Variants in SGPP2 observed in about 807,000 individuals in gnomAD.
The protein encoded by SGPP2 is sphingosine 1-phosphate phosphohydrolase 2.
SGPP2 carries 30 observed loss-of-function variants against 33.9 expected under a neutral mutation model. That is an observed-to-expected ratio of 0.89 (90% confidence interval 0.66 to 1.20). The LOEUF is 1.20. Ranked by LOEUF, SGPP2 falls within the 50% of genes most tolerant of loss-of-function variation. SGPP2 has a pLI of 0.00. For missense variants in SGPP2, 458 were observed against 532.1 expected (o/e 0.86, Z 1.37); for synonymous variants, 233 against 225.0 (o/e 1.04, Z -0.32).
At position 222,560,779 on chromosome 2, in the gene SGPP2, T is replaced by A. The variant is rs1265577822; in HGVS notation, c.*1881T>A. 6.6e-6 allele frequency: 1 copy of A among 152,216 alleles called. No homozygotes were observed. Among genetic ancestry groups the A allele is most frequent in the Non-Finnish European group, 1.5e-5 (1 of 68,040 alleles). The allele number at this position is 152,216 out of a possible 1,614,324, so 9.4% of individuals were successfully genotyped here. Reference sequence around the variant, plus strand: ...ATGTTCTACGGCCTTACTGTTGGGATGATATTTAGTATGTAACTTAGCATT... The same window carrying A: ...ATGTTCTACGGCCTTACTGTTGGGAAGATATTTAGTATGTAACTTAGCATT... On this transcript the variant is annotated 3_prime_UTR_variant, in exon 5 of 5. Transcript: ENST00000321276.
At chr2:222,534,431 G>A (rs1449714388) in intron 4 of SGPP2, among the ~76,000 whole-genome samples, 1 of 150,572 alleles carries the variant, frequency 6.6e-6, no homozygotes, top group African/African-American at 2.5e-5. Flanking sequence ...CACAGATACT[G>A]TTTTATTTGC....
chr2:222,459,877 C>T (rs1697633199), intron 1 of SGPP2, among the ~76,000 whole-genome samples: 1 of 152,214 alleles, frequency 6.6e-6, no homozygotes, highest in African/African-American at 2.4e-5. Flanking sequence ...AACTATGTTC[C>T]TCTGACCATC....
intron 1 of SGPP2, among the ~76,000 whole-genome samples, chr2:222,434,358 G>T (rs1309924208): frequency 6.6e-6 from 1 of 152,172 alleles, no homozygotes; most frequent in South Asian, 2.1e-4. Flanking sequence ...GCACGTAGGT[G>T]TGTGACTCAT....
At chr2:222,533,950 A>G (rs1698876913) in intron 4 of SGPP2, among the ~76,000 whole-genome samples, 1 of 152,096 alleles carries the variant, frequency 6.6e-6, no homozygotes. Flanking sequence ...TCTGGAGCCA[A>G]CCCGTGCGAG....
chr2:222,521,756 T>C lies in SGPP2; in HGVS notation c.379-11T>C. 2 of 1,595,490 alleles carry C rather than the reference T, an allele frequency of 1.3e-6. No homozygotes were observed. The highest frequency in any genetic ancestry group is 1.7e-4 in the Middle Eastern group (1 of 6,014). On this transcript the variant is annotated splice_polypyrimidine_tract_variant and intron_variant, in intron 2 of 4. Coordinates refer to ENST00000321276, the MANE Select transcript of SGPP2 (RefSeq NM_152386.4). Reference sequence around the variant, plus strand: ...TTTGATTAGACTTACCTCAGTCCTTTGGTTTTGCAGTTGGTGATGTATATT... The same window carrying C: ...TTTGATTAGACTTACCTCAGTCCTTCGGTTTTGCAGTTGGTGATGTATATT...
At chr2:222,424,982 C>T (rs1377248377) in intron 1 of SGPP2, among the ~76,000 whole-genome samples, 161 bp downstream of exon 1, 1 of 152,210 alleles carries the variant, frequency 6.6e-6, no homozygotes, top group East Asian at 1.9e-4. Flanking sequence ...CCTGGCCTTC[C>T]AGTAACCAGG....
intron 1 of SGPP2, among the ~76,000 whole-genome samples, chr2:222,461,830 G>T (rs1275814843): frequency 6.6e-6 from 1 of 152,110 alleles, no homozygotes; most frequent in Non-Finnish European, 1.5e-5. Flanking sequence ...CATGGCCCAG[G>T]GGTTGGGGAC....
intron 2 of SGPP2, among the ~76,000 whole-genome samples, chr2:222,493,519 A>G (rs186523630): frequency 4.5e-4 from 68 of 152,300 alleles, no homozygotes; most frequent in African/African-American, 1.6e-3. Flanking sequence ...GAGTCAAACC[A>G]TATCACAAGT....
At chr2:222,538,468 C>T (rs929144564) in intron 4 of SGPP2, among the ~76,000 whole-genome samples, 2 of 152,074 alleles carry the variant, frequency 1.3e-5, no homozygotes, top group African/African-American at 2.4e-5. Flanking sequence ...CAAGGTGATC[C>T]TCTCTGTTGC....
chr2:222,516,578 G>A (rs900105955), intron 2 of SGPP2, among the ~76,000 whole-genome samples: 2 of 151,996 alleles, frequency 1.3e-5, no homozygotes, highest in South Asian at 4.1e-4. Context: ...TATATGTTAA[G>A]AAACTTATAT....
chr2:222,488,626 G>A (rs1010103647), intron 2 of SGPP2, among the ~76,000 whole-genome samples: 1 of 152,142 alleles, frequency 6.6e-6, no homozygotes, highest in African/African-American at 2.4e-5. Flanking sequence ...GAATCATGTG[G>A]CCTTACAAAT....
At chr2:222,431,686 G>C (rs1405507488) in intron 1 of SGPP2, among the ~76,000 whole-genome samples, 1 of 152,174 alleles carries the variant, frequency 6.6e-6, no homozygotes, top group Non-Finnish European at 1.5e-5. Flanking sequence ...GACCCACTGA[G>C]AGCTTAGATG....
chr2:222,452,755 A>G, intron 1 of SGPP2: 5 of 1,461,002 alleles, frequency 3.4e-6, no homozygotes, highest in Non-Finnish European at 4.8e-6. Flanking sequence ...TTCACCAGGC[A>G]TTCCTGGTGG....
In SGPP2 at chr2:222,465,151, A is replaced by C. The variant is rs1443301880; in HGVS notation, c.220-9417A>C. Among the ~76,000 whole-genome samples, 1 of 152,192 alleles carries C rather than the reference A, an allele frequency of 6.6e-6. No individual in the cohort carries two copies. The highest frequency in any genetic ancestry group is 1.5e-5 in the Non-Finnish European group (1 of 68,030). On this transcript the variant is annotated intron_variant, in intron 1 of 4. Transcript: ENST00000321276. The surrounding 1 kb of genome is among the most constrained non-coding windows in gnomAD (Gnocchi z 4.1). ...AAGCAGGTGACAGTGATGAGTGTGC[A>C]GTTCCCTCTCAAGCTGACTCCAATA... is the stretch of plus-strand genomic sequence containing the variant.
chr2:222,464,835 C>T (rs1008122501), intron 1 of SGPP2, among the ~76,000 whole-genome samples: 2 of 152,128 alleles, frequency 1.3e-5, no homozygotes, highest in African/African-American at 4.8e-5. Context: ...AGTTACAAGA[C>T]CCTTTTCTAG....
At chr2:222,438,893 C>A (rs889866783) in intron 1 of SGPP2, among the ~76,000 whole-genome samples, 1 of 152,180 alleles carries the variant, frequency 6.6e-6, no homozygotes, top group Non-Finnish European at 1.5e-5. Flanking sequence ...TGGCCTTTCC[C>A]GCCATAATAG....
intron 2 of SGPP2, among the ~76,000 whole-genome samples, chr2:222,518,969 G>A (rs1387510189): frequency 2.6e-5 from 4 of 152,166 alleles, no homozygotes; most frequent in South Asian, 2.1e-4. Context: ...CAAGAATGTG[G>A]GAACTCCTAC....
chr2:222,461,919 T>C (rs1697666513), intron 1 of SGPP2, among the ~76,000 whole-genome samples: 1 of 152,124 alleles, frequency 6.6e-6, no homozygotes, highest in African/African-American at 2.4e-5. Context: ...CCAGCTTGTG[T>C]ACAAACCCCT....
intron 1 of SGPP2, among the ~76,000 whole-genome samples, chr2:222,442,247 A>C (rs1042567149): frequency 1.3e-5 from 2 of 152,166 alleles, no homozygotes; most frequent in African/African-American, 4.8e-5. Context: ...TTGCTTTTGA[A>C]TATCTCTTTT....
Sources: allele counts gnomAD v4.1 joint callset (sites outside exome capture counted in the v4.1 genomes callset), GRCh38; gene constraint gnomAD v4.1.1; non-coding constraint Gnocchi (gnomAD v3.1); transcripts MANE v1.5; gene names NCBI Gene and HGNC (gene_info 2026-07-23, HGNC 2026-07-21).